The following DENND3 variants were observed in gnomAD, a reference collection of about 807,000 sequenced individuals.
The protein encoded by DENND3 is DENN domain-containing protein 3.
Under a neutral mutation model 135.1 loss-of-function variants are expected in DENND3, and 88 were observed. That is an observed-to-expected ratio of 0.65 (90% CI 0.55 to 0.78). The LOEUF is 0.78. Among genes scored for constraint, DENND3 ranks in the 30% least tolerant of loss-of-function variants. DENND3 has a pLI of 0.00. For synonymous variants in DENND3, 693 were observed against 712.3 expected (o/e 0.97, Z 0.43); for missense variants, 1,392 against 1,688.4 (o/e 0.82, Z 3.08).
chr8:141,133,641 G>A lies in DENND3; in HGVS notation c.103-2868G>A, dbSNP rs147109803. 7.9e-5 allele frequency among the ~76,000 whole-genome samples: 12 copies of A among 152,178 alleles called. No homozygotes were observed. The East Asian group carries it at 2.1e-3, about 27-fold the overall frequency. On this transcript the variant is annotated intron_variant, in intron 1 of 22. Transcript: ENST00000519811. ...GCTTGGTGTGGAAACATGGTGCAGC[G>A]GGGCAGCATCGAGCTGATGGAGAGG...
At chr8:141,193,091 C>A in intron 22 of DENND3, 1 of 313,362 alleles carries the variant, frequency 3.2e-6, no homozygotes, top group South Asian at 2.9e-5. Context: ...CCTGTGCCTG[C>A]ACCACATGGC....
chr8:141,193,933 T>G, intron 22 of DENND3, 100 bp from the exon 23 acceptor site: 3 of 1,304,776 alleles, frequency 2.3e-6, no homozygotes, highest in Non-Finnish European at 3.2e-6. Flanking sequence ...AGGACATAGA[T>G]TTGGAGGCAC....
Position 141,145,834 on chromosome 8 carries a change from TATATATATATATATA to T in DENND3, c.735+1576_735+1590del, listed in dbSNP as rs1361646145. On this transcript the variant is annotated intron_variant, in intron 5 of 22. Transcript: ENST00000519811. ...ATATATATATATATATATATATATATATATATATATATATATGTATTTTTTTTTTTTTGAGGCGGA... is the reference window on the plus strand; with the variant it reads ...ATATATATATATATATATATATATATTGTATTTTTTTTTTTTTGAGGCGGA... Among the ~76,000 whole-genome samples, 43 of 82,332 alleles carry T rather than the reference TATATATATATATATA, an allele frequency of 5.2e-4. 2 individuals are homozygous for T. Among genetic ancestry groups the T allele is most frequent in the African/African-American group, 3.5e-3 (41 of 11,558 alleles). 54.0% of individuals were successfully genotyped at this position (82,332 alleles called of 152,430 possible).
intron 5 of DENND3, among the ~76,000 whole-genome samples, chr8:141,147,245 T>G (rs1346849220): frequency 1.3e-5 from 2 of 152,250 alleles, no homozygotes; most frequent in Non-Finnish European, 2.9e-5. Context: ...TGGGGACCAC[T>G]GGCCTGTCTG....
intron 19 of DENND3, 129 bp from the exon 20 acceptor site, chr8:141,190,152 TATC>T (rs1326070397): frequency 4.4e-5 from 54 of 1,219,060 alleles, no homozygotes; most frequent in African/African-American, 4.2e-4. Context: ...TGCATGTTAT[TATC>T]ATGTTTGCAG....
Position 141,168,705 on chromosome 8 carries a change from C to T in DENND3, c.2275+180C>T, listed in dbSNP as rs772332860. Among the ~76,000 whole-genome samples, 10 of 152,122 alleles carry T rather than the reference C, an allele frequency of 6.6e-5. No homozygotes were observed. Among genetic ancestry groups the T allele is most frequent in the South Asian group, 4.2e-4 (2 of 4,802 alleles). On this transcript the variant is annotated intron_variant, in intron 13 of 22. Transcript: ENST00000519811. The surrounding 1 kb of genome is among the most constrained non-coding windows in gnomAD (Gnocchi z 6.2). Reference sequence around the variant, plus strand: ...GGACTAGACTACAGGTACGCGACACCGTGCCCGGCTAATTTTAGTATTTTT... The same window carrying T: ...GGACTAGACTACAGGTACGCGACACTGTGCCCGGCTAATTTTAGTATTTTT...
intron 3 of DENND3, among the ~76,000 whole-genome samples, chr8:141,140,359 C>G (rs535780950): frequency 6.6e-6 from 1 of 152,274 alleles, no homozygotes; most frequent in Non-Finnish European, 1.5e-5. Flanking sequence ...AGCAGCCACG[C>G]GCGCGTGTGA....
At chr8:141,153,839 A>G (rs1819112724) in intron 7 of DENND3, among the ~76,000 whole-genome samples, 1 of 152,224 alleles carries the variant, frequency 6.6e-6, no homozygotes. Flanking sequence ...TTTCTTCCAC[A>G]TGTTCACCTA....
rs1569556056 is a variant in DENND3 at position 141,165,306 on chromosome 8, T to G, written c.1553+17T>G. 6 of 1,600,784 alleles carry G rather than the reference T, an allele frequency of 3.7e-6. No homozygotes were observed. Among genetic ancestry groups the G allele is most frequent in the Non-Finnish European group, 5.1e-6 (6 of 1,167,992 alleles). On this transcript the variant is annotated intron_variant, in intron 11 of 22. Coordinates refer to ENST00000519811, the MANE Select transcript of DENND3 (RefSeq NM_001352890.3). The stretch of plus-strand genomic sequence containing the variant: ...GGAGGACAGGTGCTTCACTGTTGTG[T>G]TTTGGATCTGCAGCTCTTTAGGAAT...
chr8:141,192,926 A>C, intron 22 of DENND3: 137 of 1,402,218 alleles, frequency 9.8e-5, no homozygotes, highest in Non-Finnish European at 1.2e-4. Context: ...TAATTTTCTC[A>C]CAGTTCTCGA....
rs749833745 is a variant in DENND3 at position 141,168,346 on chromosome 8, G to T, written c.2096G>T (p.Arg699Met). 15 of 1,613,806 alleles carry T rather than the reference G, an allele frequency of 9.3e-6. No homozygotes were observed. The highest frequency in any genetic ancestry group is 1.3e-5 in the Non-Finnish European group (15 of 1,180,032). The change falls in exon 13 of 23, where the codon AGG (arginine) becomes ATG (methionine). Residue 699 changes from arginine (R) to methionine (M), a missense_variant. Physicochemically the swap from Arg to Met is moderately conservative, Grantham distance 91 (BLOSUM62 -1). Coordinates refer to ENST00000519811, the MANE Select transcript of DENND3 (RefSeq NM_001352890.3). The surrounding 1 kb of genome is among the most constrained non-coding windows in gnomAD (Gnocchi z 6.2). ...GCTGAGCAGGCGCCGGAGCTGATGA[G>T]GCTCATCAGCGAGATCCTGGACAAG... ...EGAEQAPELM[R>M]LISEILDKPH...
chr8:141,188,323 C>T (rs1168067114), intron 18 of DENND3: 1 of 152,218 alleles, frequency 6.6e-6, no homozygotes, highest in Non-Finnish European at 1.5e-5. Flanking sequence ...ACCCTGAGCG[C>T]ACTCTCTAGA....
intron 17 of DENND3, among the ~76,000 whole-genome samples, chr8:141,183,419 ATTTT>A (rs1224506549): frequency 4.9e-5 from 6 of 121,632 alleles, no homozygotes; most frequent in African/African-American, 8.7e-5. Flanking sequence ...CAATTTTTGT[ATTTT>A]TTTTTTTTTT....
Position 141,144,504 on chromosome 8 carries a change from A to G in DENND3, c.735+245A>G, listed in dbSNP as rs1337950046. Among the ~76,000 whole-genome samples, 3 of 152,148 alleles carry G rather than the reference A, an allele frequency of 2.0e-5. No individual in the cohort carries two copies. The highest frequency in any genetic ancestry group is 6.5e-5 in the Admixed American group (1 of 15,270). ...GAAGGGAGGTCAGACACGCCTGGTT[A>G]TACCCTCTCCCTCTTGCGTGAGTGT... On this transcript the variant is annotated intron_variant, in intron 5 of 22. Transcript: ENST00000519811. This position sits in a 1 kb window ranked among gnomAD's most constrained non-coding sequence, Gnocchi z 4.4.
At chr8:141,165,059 C>G (rs546841094) in intron 10 of DENND3, 127 bp from the exon 11 acceptor site, 246 of 664,262 alleles carry the variant, frequency 3.7e-4, no homozygotes, top group Non-Finnish European at 5.1e-4. Context: ...CGAGTTCATT[C>G]ACTCAGTCAA....
chr8:141,157,637 A>AAGGAGGAG (rs1321359254), intron 8 of DENND3: 1 of 985,792 alleles, frequency 1.0e-6, no homozygotes, highest in Non-Finnish European at 1.2e-6. Context: ...GAGGAGTGGG[A>AAGGAGGAG]AGGAGGAGGG....
At chr8:141,155,816 A>T in intron 7 of DENND3, 33 bp from the exon 8 acceptor site, 2 of 1,549,562 alleles carry the variant, frequency 1.3e-6, no homozygotes, top group Admixed American at 2.1e-5. Flanking sequence ...AAATTCTTTT[A>T]TCAATCTTTA....
chr8:141,161,832 ACT>A (rs1028655644), intron 9 of DENND3, among the ~76,000 whole-genome samples: 2 of 126,022 alleles, frequency 1.6e-5, no homozygotes, highest in African/African-American at 6.3e-5. Context: ...ATGGAGTCTC[ACT>A]CTGTCACCCA....
chr8:141,152,894 C>T (rs1026476750), intron 7 of DENND3, among the ~76,000 whole-genome samples: 9 of 152,304 alleles, frequency 5.9e-5, no homozygotes, highest in East Asian at 1.9e-4. Context: ...CTTCTCCTAA[C>T]GTCCGCGCCA....
Sources: allele counts gnomAD v4.1 joint callset (sites outside exome capture counted in the v4.1 genomes callset), GRCh38; gene constraint gnomAD v4.1.1; non-coding constraint Gnocchi (gnomAD v3.1); transcripts MANE v1.5; gene names NCBI Gene and HGNC (gene_info 2026-07-23, HGNC 2026-07-21).